The following CDH8 variants were observed in gnomAD, a reference collection of about 807,000 sequenced individuals.
The protein encoded by CDH8 is cadherin-8.
A neutral mutation model predicts 68.1 loss-of-function variants in CDH8; 17 were observed. That is an observed-to-expected ratio of 0.25 (90% CI 0.17 to 0.37). The LOEUF (loss-of-function observed/expected upper bound fraction) is 0.37. Ranked by LOEUF, CDH8 falls within the 10% of genes least tolerant of loss-of-function variation. CDH8 has a pLI of 1.00. For synonymous variants in CDH8, 372 were observed against 365.1 expected (o/e 1.02, Z -0.21); for missense variants, 763 against 999.3 (o/e 0.76, Z 3.19).
chr16:62,018,925 A>T (rs1459084297), intron 2 of CDH8, among the ~76,000 whole-genome samples: 2 of 152,342 alleles, frequency 1.3e-5, no homozygotes, highest in Middle Eastern at 3.4e-3. Flanking sequence ...TCATGTAAGG[A>T]ATGGAGATGA....
intron 4 of CDH8, among the ~76,000 whole-genome samples, chr16:61,847,333 G>A (rs1031090385): frequency 6.6e-6 from 1 of 151,668 alleles, no homozygotes; most frequent in Non-Finnish European, 1.5e-5. Flanking sequence ...GAGAAATTAT[G>A]GCCTCATGTT....
intron 3 of CDH8, among the ~76,000 whole-genome samples, chr16:61,863,833 C>T (rs1188992590): frequency 6.6e-6 from 1 of 152,184 alleles, no homozygotes; most frequent in Non-Finnish European, 1.5e-5. Context: ...TATGTACAAT[C>T]CACAGACAAA....
At chr16:61,788,802 T>C (rs933816493) in intron 8 of CDH8, among the ~76,000 whole-genome samples, 1 of 152,052 alleles carries the variant, frequency 6.6e-6, no homozygotes, top group Admixed American at 6.6e-5. Flanking sequence ...GAATTGATAT[T>C]GATATAATTT....
chr16:61,882,279 G>T (rs560066080), intron 3 of CDH8, among the ~76,000 whole-genome samples: 1 of 152,144 alleles, frequency 6.6e-6, no homozygotes, highest in Non-Finnish European at 1.5e-5. Context: ...AATCATACAC[G>T]TTTCCATGCA....
chr16:61,788,631 T>C (rs994344409), intron 8 of CDH8, among the ~76,000 whole-genome samples: 3 of 152,010 alleles, frequency 2.0e-5, no homozygotes, highest in African/African-American at 4.8e-5. Context: ...AATTTCACCA[T>C]ATAGCTATTG....
intron 10 of CDH8, among the ~76,000 whole-genome samples, chr16:61,674,942 A>C (rs1963867414): frequency 6.6e-6 from 1 of 150,862 alleles, no homozygotes; most frequent in Non-Finnish European, 1.5e-5. Flanking sequence ...ATGAACAGAA[A>C]GCAAAAAAAA....
intron 8 of CDH8, among the ~76,000 whole-genome samples, chr16:61,745,224 T>C (rs1252717498): frequency 6.6e-6 from 1 of 151,942 alleles, no homozygotes; most frequent in African/African-American, 2.4e-5. Context: ...CCTTCCATAA[T>C]TTATATTATC....
At chr16:61,739,905 A>G (rs1238096892) in intron 8 of CDH8, among the ~76,000 whole-genome samples, 1,200 of 84,866 alleles carry the variant, frequency 0.014, 23 homozygotes, top group Non-Finnish European at 0.02. Flanking sequence ...ATATATATAT[A>G]TATATATGTA....
At chr16:61,727,326 G>A in intron 8 of CDH8, 111 bp from the exon 9 acceptor site, 1 of 1,086,576 alleles carries the variant, frequency 9.2e-7, no homozygotes, top group Non-Finnish European at 1.3e-6. Flanking sequence ...TAATTAGGAT[G>A]TTTTCAACAT....
intron 10 of CDH8, among the ~76,000 whole-genome samples, chr16:61,684,856 T>A (rs1370368975): frequency 6.6e-6 from 1 of 151,970 alleles, no homozygotes; most frequent in Non-Finnish European, 1.5e-5. Flanking sequence ...TGGATTCAAC[T>A]CCCCTTCCTT....
At chr16:62,025,545 C>A (rs1902179429) in intron 1 of CDH8, among the ~76,000 whole-genome samples, 1 of 152,052 alleles carries the variant, frequency 6.6e-6, no homozygotes, top group Non-Finnish European at 1.5e-5. Flanking sequence ...AGAAATTAGC[C>A]CAACTCAGGG....
intron 10 of CDH8, among the ~76,000 whole-genome samples, chr16:61,660,803 A>G (rs536475928): frequency 1.3e-5 from 2 of 152,208 alleles, no homozygotes; most frequent in South Asian, 2.1e-4. Flanking sequence ...TCAACCAACA[A>G]TCATATTCAG....
At chr16:61,892,782 G>T (rs1963800495) in intron 3 of CDH8, among the ~76,000 whole-genome samples, 1 of 152,080 alleles carries the variant, frequency 6.6e-6, no homozygotes, top group Non-Finnish European at 1.5e-5. Context: ...GGGGAGTAAG[G>T]CGATGGATGA....
intron 4 of CDH8, among the ~76,000 whole-genome samples, chr16:61,832,103 C>G (rs555049501): frequency 6.6e-6 from 1 of 151,660 alleles, no homozygotes; most frequent in East Asian, 1.9e-4. Flanking sequence ...GTATATATAA[C>G]CAGACATACT....
At chr16:61,702,295 C>T (rs1325981964) in intron 10 of CDH8, among the ~76,000 whole-genome samples, 4 of 152,000 alleles carry the variant, frequency 2.6e-5, no homozygotes, top group African/African-American at 9.7e-5. Flanking sequence ...TGGCGTGAGC[C>T]CGGGAGGCGG....
At chr16:62,022,780 T>C (rs1053297650) in intron 1 of CDH8, among the ~76,000 whole-genome samples, 1 of 152,148 alleles carries the variant, frequency 6.6e-6, no homozygotes, top group Non-Finnish European at 1.5e-5. Flanking sequence ...GTGGCCTTAC[T>C]GAAGCCAGCT....
At chr16:61,901,509 A>G in intron 2 of CDH8, 36 bp from the exon 3 acceptor site, 5 of 1,516,448 alleles carry the variant, frequency 3.3e-6, no homozygotes, top group Non-Finnish European at 4.5e-6. Context: ...GTGATGGAGC[A>G]ATCTGAAAAG....
chr16:61,815,793 G>A (rs1215481667), intron 7 of CDH8, among the ~76,000 whole-genome samples: 2 of 152,000 alleles, frequency 1.3e-5, no homozygotes, highest in Non-Finnish European at 2.9e-5. Context: ...TGTAAAGGAT[G>A]TGGCAACTAC....
At chr16:62,012,702 C>T (rs73568732) in intron 2 of CDH8, among the ~76,000 whole-genome samples, 5 of 152,136 alleles carry the variant, frequency 3.3e-5, no homozygotes, top group African/African-American at 7.2e-5. Flanking sequence ...CATATATTGG[C>T]GGAAAAAAGA....
Sources: gnomAD v4.1 joint callset for allele counts (sites outside exome capture counted in the v4.1 genomes callset) on GRCh38, gnomAD v4.1.1 for gene constraint, MANE v1.5 for transcripts, NCBI Gene and HGNC (gene_info 2026-07-23, HGNC 2026-07-21) for gene names.